The following MEIKIN variants were observed in gnomAD, a reference collection of about 807,000 sequenced individuals.
MEIKIN encodes meiotic kinetochore factor, also known as meiosis-specific kinetochore protein.
chr5:131,865,787 C>T (rs947086924), intron 9 of MEIKIN, among the ~76,000 whole-genome samples: 2 of 152,232 alleles, frequency 1.3e-5, no homozygotes, highest in African/African-American at 4.8e-5. Context: ...TGTATGATTT[C>T]TTTGGCTGTA....
Position 131,809,034 on chromosome 5 carries a change from GC to G in MEIKIN, c.1100-1777del, listed in dbSNP as rs1772901248. Reference sequence around the variant, plus strand: ...GCTGTGATCACACCACTGCACTCCAGCATGGGCGACAGAGCAACACTCTGTC... The same window carrying G: ...GCTGTGATCACACCACTGCACTCCAGATGGGCGACAGAGCAACACTCTGTC... On this transcript the variant is annotated intron_variant, in intron 12 of 12. Coordinates refer to ENST00000442687, the MANE Select transcript of MEIKIN (RefSeq NM_001303622.2). Among the ~76,000 whole-genome samples, 3 of 150,544 alleles carry G rather than the reference GC, an allele frequency of 2.0e-5. No individual in the cohort carries two copies. The South Asian group carries it at 6.3e-4, about 32-fold the overall frequency.
At chr5:131,904,910 A>G (rs550185294) in intron 8 of MEIKIN, among the ~76,000 whole-genome samples, 7 of 152,168 alleles carry the variant, frequency 4.6e-5, no homozygotes, top group Admixed American at 4.6e-4. Context: ...CAAACACCAC[A>G]TGTTCTCATT....
chr5:131,825,461 C>T (rs553006516), intron 11 of MEIKIN, among the ~76,000 whole-genome samples: 24 of 152,258 alleles, frequency 1.6e-4, no homozygotes, highest in African/African-American at 5.3e-4. Flanking sequence ...GAGCAGTTGT[C>T]CTCCAGTGGA....
chr5:131,935,153 C>T (rs1186360005), intron 4 of MEIKIN, among the ~76,000 whole-genome samples: 1 of 148,388 alleles, frequency 6.7e-6, no homozygotes, highest in Non-Finnish European at 1.5e-5. Flanking sequence ...AGAACTGGCT[C>T]GGCACAGTGG....
intron 9 of MEIKIN, among the ~76,000 whole-genome samples, chr5:131,877,185 A>G (rs1750630089): frequency 6.6e-6 from 1 of 152,170 alleles, no homozygotes; most frequent in Non-Finnish European, 1.5e-5. Flanking sequence ...TTATGTAATA[A>G]AAAGTTGAAT....
At chr5:131,891,027 T>G (rs988970434) in intron 8 of MEIKIN, among the ~76,000 whole-genome samples, 7 of 152,234 alleles carry the variant, frequency 4.6e-5, no homozygotes, top group Non-Finnish European at 7.3e-5. Context: ...TTGAGCGGTT[T>G]TGAGTGAGTT....
intron 8 of MEIKIN, among the ~76,000 whole-genome samples, chr5:131,905,537 A>G (rs1333924865): frequency 6.6e-6 from 1 of 152,182 alleles, no homozygotes; most frequent in Non-Finnish European, 1.5e-5. Context: ...ATAGACCACT[A>G]GCTAGATTAA....
intron 5 of MEIKIN, among the ~76,000 whole-genome samples, chr5:131,925,157 AC>A (rs1751567540): frequency 6.6e-6 from 1 of 152,154 alleles, no homozygotes; most frequent in African/African-American, 2.4e-5. Flanking sequence ...TTCTCTTATG[AC>A]AGTATCATAC....
At chr5:131,933,715 T>C (rs1751725837) in intron 4 of MEIKIN, 74 bp from the exon 5 acceptor site, 1 of 393,918 alleles carries the variant, frequency 2.5e-6, no homozygotes, top group Non-Finnish European at 4.5e-6. Context: ...AATTGAAATG[T>C]ATGGAAATGT....
rs549266732 is a variant in MEIKIN at position 131,849,607 on chromosome 5, T to C, written c.975+1657A>G. Among the ~76,000 whole-genome samples, 191 of 142,018 alleles carry C rather than the reference T, an allele frequency of 1.3e-3. 3 individuals carry two copies. The highest frequency in any genetic ancestry group is 4.7e-3 in the African/African-American group (182 of 38,384). 93.2% of individuals were successfully genotyped at this position (142,018 alleles called of 152,430 possible). A position where few individuals can be genotyped will look rare whatever the true frequency, so the allele number is the denominator to read the frequency against. ...TCTTTATATATATAAAGAAACCTCT[T>C]TTCTTTATATATATAAAGAAACCTC... is the stretch of plus-strand genomic sequence containing the variant. On this transcript the variant is annotated intron_variant, in intron 11 of 12. Transcript: ENST00000442687.
At chr5:131,850,911 G>A (rs1000394321) in intron 11 of MEIKIN, among the ~76,000 whole-genome samples, 1 of 151,598 alleles carries the variant, frequency 6.6e-6, no homozygotes, top group Non-Finnish European at 1.5e-5. Flanking sequence ...CTGCACCCTG[G>A]CACTCCAGCA....
intron 3 of MEIKIN, 146 bp downstream of exon 3, chr5:131,944,519 A>G (rs1008179965): frequency 7.6e-6 from 3 of 394,862 alleles, no homozygotes; most frequent in Non-Finnish European, 1.3e-5. Context: ...CCCTGTCTAA[A>G]GACACGTAAG....
In MEIKIN at chr5:131,819,765, A is replaced by ATT. The variant is rs1167213249; in HGVS notation, c.976-904_976-903dup. Among the ~76,000 whole-genome samples the ATT allele has an allele frequency of 2.0e-3, 130 of 64,574 alleles. 17 individuals carry two copies. Among genetic ancestry groups the ATT allele is most frequent in the Non-Finnish European group, 2.1e-3 (76 of 35,876 alleles). The allele number at this position is 64,574 out of a possible 152,430, so 42.4% of individuals were successfully genotyped here. A position where few individuals can be genotyped will look rare whatever the true frequency, so the allele number is the denominator to read the frequency against. On this transcript the variant is annotated intron_variant, in intron 11 of 12. Transcript: ENST00000442687. ...TAGGCATGCACCACTACATCCAGCT[A>ATT]TTTTTTTTTTTTTTTTTTTTTTTTT... is the stretch of plus-strand genomic sequence containing the variant.
chr5:131,894,567 T>C (rs1167165988), intron 8 of MEIKIN, among the ~76,000 whole-genome samples: 1 of 152,214 alleles, frequency 6.6e-6, no homozygotes, highest in East Asian at 1.9e-4. Context: ...TGTCTTCTTT[T>C]ATTTTGTTGA....
At chr5:131,879,508 C>T (rs1347160909) in intron 8 of MEIKIN, among the ~76,000 whole-genome samples, 1 of 152,220 alleles carries the variant, frequency 6.6e-6, no homozygotes, top group Non-Finnish European at 1.5e-5. Context: ...TTTACTGCAA[C>T]TTTTCTATCA....
chr5:131,844,642 G>A (rs1194937028), intron 11 of MEIKIN, among the ~76,000 whole-genome samples: 4 of 152,170 alleles, frequency 2.6e-5, no homozygotes, highest in African/African-American at 9.7e-5. Context: ...ACAAGCTTAC[G>A]AAGAAACTAT....
intron 8 of MEIKIN, among the ~76,000 whole-genome samples, chr5:131,891,065 C>T (rs1412024885): frequency 6.6e-6 from 1 of 152,208 alleles, no homozygotes; most frequent in Non-Finnish European, 1.5e-5. Context: ...AGTTTGATTG[C>T]ACTGTGGTCT....
At chr5:131,855,064 T>C (rs2149616592) in intron 9 of MEIKIN, among the ~76,000 whole-genome samples, 1 of 152,314 alleles carries the variant, frequency 6.6e-6, no homozygotes, top group African/African-American at 2.4e-5. Context: ...AGCAACTATA[T>C]GAGAATACCT....
At chr5:131,928,001 G>A (rs1048165803) in intron 5 of MEIKIN, among the ~76,000 whole-genome samples, 6 of 151,722 alleles carry the variant, frequency 4.0e-5, no homozygotes, top group African/African-American at 1.2e-4. Flanking sequence ...AAAATTAGCC[G>A]GGCACGGTGG....
Sources: allele counts gnomAD v4.1 joint callset (sites outside exome capture counted in the v4.1 genomes callset), GRCh38; gene constraint gnomAD v4.1.1; transcripts MANE v1.5; gene names NCBI Gene and HGNC (gene_info 2026-07-23, HGNC 2026-07-21).